The following TANC2 variants were observed in gnomAD, a reference collection of about 807,000 sequenced individuals.
TANC2 encodes tetratricopeptide repeat, ankyrin repeat and coiled-coil containing 2.
TANC2 carries 26 observed loss-of-function variants against 210.5 expected under a neutral mutation model. That is an observed-to-expected ratio of 0.12 (90% CI 0.09 to 0.17). TANC2 has a LOEUF of 0.17. TANC2 is among the 10% of genes least tolerant of loss of function. TANC2 has a pLI of 1.00. For missense variants in TANC2, 2,129 were observed against 2,608.9 expected, an observed-to-expected ratio of 0.82 and a Z score of 4.01; for synonymous variants, 931 against 967.1, an observed-to-expected ratio of 0.96 and a Z score of 0.69.
intron 15 of TANC2, among the ~76,000 whole-genome samples, chr17:63,387,489 C>G (rs954563276): frequency 6.6e-6 from 1 of 152,212 alleles, no homozygotes; most frequent in Non-Finnish European, 1.5e-5. Flanking sequence ...CGCATAAACA[C>G]ACCTTCCTGA....
At chr17:62,994,779 A>G (rs2033030017) in intron 1 of TANC2, among the ~76,000 whole-genome samples, 1 of 152,188 alleles carries the variant, frequency 6.6e-6, no homozygotes, top group Non-Finnish European at 1.5e-5. Flanking sequence ...CCCTTAGATG[A>G]TTAATTTCAC....
chr17:63,205,164 C>T (rs2041659730), intron 7 of TANC2, among the ~76,000 whole-genome samples: 2 of 151,750 alleles, frequency 1.3e-5, no homozygotes, highest in African/African-American at 4.8e-5. Flanking sequence ...TGACAAGCGT[C>T]CTAAGACCAT....
chr17:63,397,482 T>C (rs919238973), intron 18 of TANC2, among the ~76,000 whole-genome samples: 4 of 152,252 alleles, frequency 2.6e-5, no homozygotes, highest in Non-Finnish European at 5.9e-5. Context: ...AAATCTGATA[T>C]GTGATCTACT....
chr17:63,278,759 G>A (rs1299993482), intron 9 of TANC2, among the ~76,000 whole-genome samples: 1 of 152,070 alleles, frequency 6.6e-6, no homozygotes, highest in South Asian at 2.1e-4. Flanking sequence ...AGAAAATGTG[G>A]TCTATATATC....
intron 4 of TANC2, among the ~76,000 whole-genome samples, chr17:63,109,958 T>C (rs1398889177): frequency 6.6e-6 from 1 of 151,778 alleles, no homozygotes; most frequent in Non-Finnish European, 1.5e-5. Context: ...TCTACTTTTC[T>C]GTAGCTTAAA....
At chr17:63,392,277 T>G (rs2048005949) in intron 17 of TANC2, among the ~76,000 whole-genome samples, 1 of 152,232 alleles carries the variant, frequency 6.6e-6, no homozygotes, top group Non-Finnish European at 1.5e-5. Context: ...CATTTGTAAC[T>G]GCTTCCTTGG....
intron 8 of TANC2, among the ~76,000 whole-genome samples, chr17:63,263,564 T>A (rs557079134): frequency 4.5e-4 from 68 of 152,342 alleles, no homozygotes; most frequent in African/African-American, 1.5e-3. Context: ...GTTGTTTATT[T>A]TTTGTTGTAT....
intron 9 of TANC2, among the ~76,000 whole-genome samples, chr17:63,301,741 T>C (rs1393249171): frequency 6.6e-6 from 1 of 152,176 alleles, no homozygotes; most frequent in Admixed American, 6.5e-5. Context: ...CCTGGATTCA[T>C]TGATTGTTTC....
Position 63,107,990 on chromosome 17 carries a change from A to G in TANC2, c.322+8633A>G, listed in dbSNP as rs545922066. 4.6e-5 allele frequency among the ~76,000 whole-genome samples: 7 copies of G among 152,000 alleles called. 1 individual carries two copies. Among genetic ancestry groups the G allele is most frequent in the African/African-American group, 1.7e-4 (7 of 41,220 alleles). On this transcript the variant is annotated intron_variant, in intron 4 of 27. Coordinates refer to ENST00000689528, the Ensembl canonical transcript of TANC2. ...AGTTTTTTAAAAATAAAAACTTCAT[A>G]TAGTAAACATTAGCAATGAAAGGGA...
intron 3 of TANC2, among the ~76,000 whole-genome samples, chr17:63,086,100 A>C (rs2036955439): frequency 6.6e-6 from 1 of 151,690 alleles, no homozygotes; most frequent in African/African-American, 2.4e-5. Context: ...CAGGTATATT[A>C]ATAATTTTTT....
chr17:63,231,632 T>A (rs1161518454), intron 7 of TANC2, among the ~76,000 whole-genome samples: 3 of 152,190 alleles, frequency 2.0e-5, no homozygotes, highest in Non-Finnish European at 4.4e-5. Flanking sequence ...AAGTCCACGG[T>A]TAGTCTGATG....
In TANC2 at chr17:63,405,163, C is replaced by T. The variant is rs1369067776; in HGVS notation, c.3373C>T (p.Arg1125Cys). The T allele has an allele frequency of 1.2e-6, 2 of 1,613,050 alleles. No individual in the cohort carries two copies. The highest frequency in any genetic ancestry group is 1.3e-5 in the African/African-American group (1 of 74,912). Reference sequence around the variant, plus strand: ...CGGAAGGGGCAAACTGGAGGTGTGCCGTTTGCTCTTGGAACAAGGGGCGGC... The same window carrying T: ...CGGAAGGGGCAAACTGGAGGTGTGCTGTTTGCTCTTGGAACAAGGGGCGGC... Residue 1125 changes from arginine (R) to cysteine (C), a missense_variant, in exon 20 of 28, where the codon CGT (arginine) becomes TGT (cysteine). Physicochemically the swap from Arg to Cys is radical, Grantham distance 180. Coordinates refer to ENST00000689528, the Ensembl canonical transcript of TANC2.
At chr17:63,075,619 G>A (rs1001996606) in intron 3 of TANC2, among the ~76,000 whole-genome samples, 8 of 152,016 alleles carry the variant, frequency 5.3e-5, no homozygotes, top group Admixed American at 1.3e-4. Context: ...TGCAACCTCC[G>A]CCTCCCGGGT....
chr17:63,312,875 C>T (rs1220983762), intron 9 of TANC2, among the ~76,000 whole-genome samples: 5 of 152,082 alleles, frequency 3.3e-5, no homozygotes, highest in African/African-American at 1.2e-4. Flanking sequence ...CATTTTGTTT[C>T]TGTTGTCAGA....
intron 11 of TANC2, among the ~76,000 whole-genome samples, chr17:63,337,371 C>G (rs1444234613): frequency 6.6e-6 from 1 of 151,894 alleles, no homozygotes; most frequent in Non-Finnish European, 1.5e-5. Flanking sequence ...TTGCTGGAGT[C>G]AAAAATGTTA....
intron 4 of TANC2, among the ~76,000 whole-genome samples, chr17:63,129,580 A>G (rs2038842955): frequency 6.6e-6 from 1 of 152,150 alleles, no homozygotes; most frequent in Admixed American, 6.5e-5. Flanking sequence ...TACAAAAATT[A>G]GCTGGGTGTG....
chr17:63,188,464 G>A (rs2041070282), intron 5 of TANC2, among the ~76,000 whole-genome samples: 1 of 151,698 alleles, frequency 6.6e-6, no homozygotes, highest in African/African-American at 2.4e-5. Flanking sequence ...ATGGTGGTGG[G>A]CGCCTGTAGT....
chr17:62,974,986 TATG>T (rs1568288099), intron 1 of TANC2, among the ~76,000 whole-genome samples: 1 of 152,218 alleles, frequency 6.6e-6, no homozygotes. Context: ...AGCATTATCA[TATG>T]ATGACGTAGC....
At chr17:63,006,540 T>C (rs2033632522) in intron 1 of TANC2, among the ~76,000 whole-genome samples, 1 of 152,174 alleles carries the variant, frequency 6.6e-6, no homozygotes, top group Non-Finnish European at 1.5e-5. Flanking sequence ...TAGAAGTATA[T>C]CACTTAATTT....
Sources: gnomAD v4.1 joint callset for allele counts (sites outside exome capture counted in the v4.1 genomes callset) on GRCh38, gnomAD v4.1.1 for gene constraint, MANE v1.5 for transcripts, NCBI Gene and HGNC (gene_info 2026-07-23, HGNC 2026-07-21) for gene names.